ASTN1: variants seen among roughly 807,000 people sequenced by gnomAD.
The protein encoded by ASTN1 is astrotactin-1.
Under a neutral mutation model 140.7 loss-of-function variants are expected in ASTN1, and 41 were observed. The ratio of observed to expected loss-of-function variants is 0.29; its 90% CI spans 0.23 to 0.38. The LOEUF (loss-of-function observed/expected upper bound fraction) is 0.38, where lower values mean the gene tolerates loss of function less well. Ranked by LOEUF, ASTN1 falls within the 10% of genes least tolerant of loss-of-function variation. ASTN1 has a pLI of 1.00. For missense variants in ASTN1, 1,479 were observed against 1,678.8 expected (o/e 0.88, Z 2.08); for synonymous variants, 640 against 652.2 (o/e 0.98, Z 0.29).
intron 1 of ASTN1, among the ~76,000 whole-genome samples, chr1:177,143,373 G>A (rs1204423918): frequency 1.3e-5 from 2 of 152,176 alleles, no homozygotes; most frequent in East Asian, 3.9e-4. Flanking sequence ...AGGGAAGTCA[G>A]ATTTGCTATG....
At chr1:176,938,294 TC>T (rs1168232840) in intron 14 of ASTN1, among the ~76,000 whole-genome samples, 1 of 152,234 alleles carries the variant, frequency 6.6e-6, no homozygotes, top group Non-Finnish European at 1.5e-5. Context: ...AAGATGTGCA[TC>T]TATGTAGAAC....
At chr1:176,896,378 G>A (rs1669507179) in intron 16 of ASTN1, among the ~76,000 whole-genome samples, 1 of 152,090 alleles carries the variant, frequency 6.6e-6, no homozygotes, top group Non-Finnish European at 1.5e-5. Flanking sequence ...GCTTCAAATA[G>A]AACTAGCCCT....
intron 1 of ASTN1, among the ~76,000 whole-genome samples, chr1:177,131,683 T>A (rs987658142): frequency 6.6e-5 from 10 of 152,236 alleles, no homozygotes; most frequent in African/African-American, 2.2e-4. Flanking sequence ...GTCAGTCTGT[T>A]TAGTGTTGTA....
At chr1:177,025,686 C>A (rs1329903397) in intron 5 of ASTN1, among the ~76,000 whole-genome samples, 1 of 151,916 alleles carries the variant, frequency 6.6e-6, no homozygotes, top group African/African-American at 2.4e-5. Context: ...TTTTTACGTA[C>A]CTTATTTTAT....
chr1:177,034,949 A>C (rs549703171), intron 2 of ASTN1, among the ~76,000 whole-genome samples: 4 of 152,246 alleles, frequency 2.6e-5, no homozygotes, highest in African/African-American at 9.6e-5. Context: ...GTTTTTTAGG[A>C]GCTCCTTCCA....
chr1:176,896,243 T>C (rs953335823), intron 16 of ASTN1, among the ~76,000 whole-genome samples: 4 of 152,228 alleles, frequency 2.6e-5, no homozygotes, highest in African/African-American at 9.6e-5. Flanking sequence ...TCTATGACTA[T>C]AAATATGGCA....
chr1:176,972,216 A>T (rs1279155673), intron 8 of ASTN1, among the ~76,000 whole-genome samples: 1 of 152,222 alleles, frequency 6.6e-6, no homozygotes, highest in Non-Finnish European at 1.5e-5. Context: ...AAATGTCATT[A>T]TGTGGTACAT....
At chr1:177,079,448 C>T (rs6693623) in intron 1 of ASTN1, among the ~76,000 whole-genome samples, 68,851 of 151,494 alleles carry the variant, frequency 0.45, 17,026 homozygotes, top group Non-Finnish European at 0.56. Flanking sequence ...GAACTTAGAC[C>T]CTATGAGTTG....
intron 2 of ASTN1, among the ~76,000 whole-genome samples, chr1:177,050,665 A>G (rs1294362805): frequency 6.6e-6 from 1 of 152,222 alleles, no homozygotes; most frequent in South Asian, 2.1e-4. Context: ...ACTTTAGCAG[A>G]TACTTAAATG....
intron 8 of ASTN1, among the ~76,000 whole-genome samples, chr1:176,991,172 C>T (rs1234633287): frequency 1.3e-5 from 2 of 152,212 alleles, no homozygotes; most frequent in East Asian, 3.9e-4. Flanking sequence ...CTGTGGGAGG[C>T]TGAGGCAGGC....
At chr1:176,983,067 T>C (rs1355974618) in intron 8 of ASTN1, among the ~76,000 whole-genome samples, 1 of 152,006 alleles carries the variant, frequency 6.6e-6, no homozygotes, top group African/African-American at 2.4e-5. Flanking sequence ...GCAGCTATGA[T>C]GTTGGGGTGG....
chr1:176,960,490 T>A (rs1672611880), intron 9 of ASTN1, among the ~76,000 whole-genome samples: 1 of 152,238 alleles, frequency 6.6e-6, no homozygotes, highest in African/African-American at 2.4e-5. Flanking sequence ...TGATGGTTAA[T>A]TTTTCTTTTG....
At chr1:176,918,074 C>T (rs1670565320) in intron 16 of ASTN1, among the ~76,000 whole-genome samples, 1 of 152,136 alleles carries the variant, frequency 6.6e-6, no homozygotes, top group Admixed American at 6.5e-5. Context: ...CTCTCAGCCA[C>T]ACAACACACA....
chr1:177,095,222 A>T (rs907010937), intron 1 of ASTN1, among the ~76,000 whole-genome samples: 5 of 152,216 alleles, frequency 3.3e-5, no homozygotes, highest in Admixed American at 6.5e-5. Flanking sequence ...AGCAGAATTT[A>T]AAAATTTAAA....
At chr1:177,146,209 C>T (rs575669309) in intron 1 of ASTN1, among the ~76,000 whole-genome samples, 52 of 152,276 alleles carry the variant, frequency 3.4e-4, no homozygotes, top group Middle Eastern at 6.8e-3. Context: ...GATGGATACT[C>T]ATCTCCACTT....
chr1:177,146,432 A>C (rs911988977), intron 1 of ASTN1, among the ~76,000 whole-genome samples: 2 of 152,204 alleles, frequency 1.3e-5, no homozygotes, highest in Admixed American at 6.5e-5. Flanking sequence ...AATATTTTGT[A>C]CACTCTTTAT....
intron 16 of ASTN1, among the ~76,000 whole-genome samples, chr1:176,931,894 G>C (rs548304881): frequency 6.6e-6 from 1 of 152,146 alleles, no homozygotes. Flanking sequence ...AGAGAGAAGG[G>C]GAGACTTTTA....
intron 1 of ASTN1, among the ~76,000 whole-genome samples, chr1:177,085,168 T>A (rs1040234947): frequency 3.3e-5 from 5 of 152,250 alleles, no homozygotes; most frequent in Non-Finnish European, 5.9e-5. Flanking sequence ...TGATTACAGA[T>A]GACATTTGTT....
intron 1 of ASTN1, among the ~76,000 whole-genome samples, chr1:177,092,377 G>T (rs747250827): frequency 6.6e-6 from 1 of 152,144 alleles, no homozygotes. Context: ...AGTTGTAGGA[G>T]TTCTTTATAC....
Sources: allele counts gnomAD v4.1 joint callset (sites outside exome capture counted in the v4.1 genomes callset), GRCh38; gene constraint gnomAD v4.1.1; transcripts MANE v1.5; gene names NCBI Gene and HGNC (gene_info 2026-07-23, HGNC 2026-07-21).